The following HDAC4 variants were observed in gnomAD, a reference collection of about 807,000 sequenced individuals.
HDAC4 encodes the protein histone deacetylase A.
In HDAC4, 16 loss-of-function variants were observed where a neutral mutation model predicts 135.1. The observed-to-expected ratio is 0.12, with a 90% CI of 0.08 to 0.18. The LOEUF is 0.18. HDAC4 is among the 10% of genes least tolerant of loss of function. HDAC4 has a pLI of 1.00. For synonymous variants in HDAC4, 685 were observed against 653.4 expected (o/e 1.05, Z -0.74); for missense variants, 1,143 against 1,511.8 (o/e 0.76, Z 4.05).
At chr2:239,130,711 T>C (rs562345416) in intron 11 of HDAC4, among the ~76,000 whole-genome samples, 6 of 152,298 alleles carry the variant, frequency 3.9e-5, no homozygotes, top group Non-Finnish European at 7.4e-5. Context: ...CCGGGAAGCC[T>C]TCCCTAGGCC....
chr2:239,326,832 A>C (rs2053482163), intron 2 of HDAC4, among the ~76,000 whole-genome samples: 1 of 152,154 alleles, frequency 6.6e-6, no homozygotes, highest in Admixed American at 6.5e-5. Flanking sequence ...AGACCCCCAC[A>C]TCCACCGCAC....
chr2:239,389,525 G>C (rs1696057025), intron 1 of HDAC4, among the ~76,000 whole-genome samples: 1 of 152,122 alleles, frequency 6.6e-6, no homozygotes, highest in Non-Finnish European at 1.5e-5. Context: ...CTTGAAGTCA[G>C]TGGGACCAAG....
In HDAC4 at chr2:239,384,269, G is replaced by A. The variant is rs117593040; in HGVS notation, c.-220+16709C>T. 9.6e-4 allele frequency among the ~76,000 whole-genome samples: 146 copies of A among 152,078 alleles called. 1 individual carries two copies. In the East Asian group the frequency reaches 0.024, roughly 25 times the overall value. On this transcript the variant is annotated intron_variant, in intron 1 of 26. Coordinates refer to ENST00000543185, the MANE Select transcript of HDAC4 (RefSeq NM_001378414.1). ...CCATGATCTCCCTAAAGCCACATTC[G>A]AAATGACATATTTTAGTACCTCTCT... is the stretch of plus-strand genomic sequence containing the variant.
chr2:239,161,279 G>C (rs1317474619), intron 6 of HDAC4, among the ~76,000 whole-genome samples: 1 of 152,204 alleles, frequency 6.6e-6, no homozygotes, highest in African/African-American at 2.4e-5. Context: ...TGAAAGAGCA[G>C]AAGTGTTTCA....
At chr2:239,267,356 G>A (rs973142974) in intron 2 of HDAC4, among the ~76,000 whole-genome samples, 7 of 152,204 alleles carry the variant, frequency 4.6e-5, no homozygotes, top group South Asian at 2.1e-4. Context: ...CGAGGAAGCC[G>A]ATGGAGTCTG....
intron 24 of HDAC4, among the ~76,000 whole-genome samples, chr2:239,061,061 G>A (rs2032623162): frequency 6.6e-6 from 1 of 152,278 alleles, no homozygotes; most frequent in Non-Finnish European, 1.5e-5. Context: ...GACACACGAC[G>A]TGGACCCTGT....
At position 239,306,262 on chromosome 2, in the gene HDAC4, A is replaced by G. The variant is rs2052576036; in HGVS notation, c.22+46416T>C. Among the ~76,000 whole-genome samples, 1 of 152,168 alleles carries G rather than the reference A, an allele frequency of 6.6e-6. No individual in the cohort carries two copies. The highest frequency in any genetic ancestry group is 6.5e-5 in the Admixed American group (1 of 15,282). Reference sequence around the variant, plus strand: ...CTTTTCATACATTTAGAAGGCAAAAAAAGTTCATCTTTCTAGTGATTCCAG... The same window carrying G: ...CTTTTCATACATTTAGAAGGCAAAAGAAGTTCATCTTTCTAGTGATTCCAG... On this transcript the variant is annotated intron_variant, in intron 2 of 26. Coordinates refer to ENST00000543185, the MANE Select transcript of HDAC4 (RefSeq NM_001378414.1). The surrounding 1 kb of genome is among the most constrained non-coding windows in gnomAD (Gnocchi z 4.5).
rs183064382 is a variant in HDAC4, at chr2:239,289,343, G to C, written c.23-52679C>G. Among the ~76,000 whole-genome samples, 64 of 152,322 alleles carry C rather than the reference G, an allele frequency of 4.2e-4. 2 individuals are homozygous for C. Among genetic ancestry groups the C allele is most frequent in the Admixed American group, 3.2e-3 (49 of 15,308 alleles). On this transcript the variant is annotated intron_variant, in intron 2 of 26. Coordinates refer to ENST00000543185, the MANE Select transcript of HDAC4 (RefSeq NM_001378414.1). Reference sequence around the variant, plus strand: ...TTGTTTTTAAATGAAATACGAAAAAGCACTAACCACAAAAGAAAAGGTCTG... The same window carrying C: ...TTGTTTTTAAATGAAATACGAAAAACCACTAACCACAAAAGAAAAGGTCTG...
intron 2 of HDAC4, among the ~76,000 whole-genome samples, chr2:239,321,744 C>T (rs984948989): frequency 2.0e-5 from 3 of 152,082 alleles, no homozygotes; most frequent in African/African-American, 7.2e-5. Flanking sequence ...AGTCAAAGCC[C>T]TCCAAAGCCC....
intron 9 of HDAC4, among the ~76,000 whole-genome samples, chr2:239,137,755 T>G (rs888502154): frequency 1.3e-5 from 2 of 152,064 alleles, no homozygotes; most frequent in African/African-American, 4.8e-5. Context: ...CCCGTCCAAC[T>G]CTAGAGATAC....
At chr2:239,246,228 G>C (rs1315435292) in intron 2 of HDAC4, among the ~76,000 whole-genome samples, 1 of 152,218 alleles carries the variant, frequency 6.6e-6, no homozygotes, top group Non-Finnish European at 1.5e-5. Flanking sequence ...GCGGGCAGGA[G>C]TGAGCCACGG....
intron 3 of HDAC4, among the ~76,000 whole-genome samples, chr2:239,226,404 G>C (rs868652548): frequency 2.0e-5 from 3 of 152,062 alleles, no homozygotes; most frequent in Middle Eastern, 3.4e-3. Flanking sequence ...GGCACTGCTG[G>C]GACTGCCACA....
chr2:239,263,149 T>TCC (rs1486084423), intron 2 of HDAC4, among the ~76,000 whole-genome samples: 1 of 151,944 alleles, frequency 6.6e-6, no homozygotes, highest in African/African-American at 2.4e-5. Context: ...AACACTACCC[T>TCC]CCTTCATGTC....
intron 3 of HDAC4, among the ~76,000 whole-genome samples, chr2:239,206,173 C>CA (rs1327553145): frequency 6.6e-6 from 1 of 152,032 alleles, no homozygotes; most frequent in Non-Finnish European, 1.5e-5. Flanking sequence ...ACAAAAGCTA[C>CA]AAAAAATAGC....
intron 12 of HDAC4, among the ~76,000 whole-genome samples, chr2:239,118,706 G>A (rs2039364524): frequency 6.6e-6 from 1 of 152,120 alleles, no homozygotes; most frequent in African/African-American, 2.4e-5. Context: ...CACGCCGTAC[G>A]CTGTAAATAC....
intron 2 of HDAC4, among the ~76,000 whole-genome samples, chr2:239,276,026 G>GCT (rs2050340565): frequency 6.6e-6 from 1 of 152,158 alleles, no homozygotes; most frequent in Non-Finnish European, 1.5e-5. Flanking sequence ...CTGAGCCAGC[G>GCT]CAGGCCAGGG....
chr2:239,255,490 G>A (rs754411582), intron 2 of HDAC4, among the ~76,000 whole-genome samples: 8 of 152,120 alleles, frequency 5.3e-5, no homozygotes, highest in African/African-American at 1.2e-4. Flanking sequence ...TTGAGAGACC[G>A]TCATTTTTTC....
At chr2:239,083,911 C>T (rs1165481017) in intron 20 of HDAC4, among the ~76,000 whole-genome samples, 1 of 152,266 alleles carries the variant, frequency 6.6e-6, no homozygotes, top group Non-Finnish European at 1.5e-5. Context: ...GCCCTGGCCG[C>T]TGCCGTCACC....
intron 22 of HDAC4, among the ~76,000 whole-genome samples, chr2:239,071,913 C>T (rs975862556): frequency 1.3e-5 from 2 of 152,168 alleles, no homozygotes; most frequent in African/African-American, 4.8e-5. Context: ...GGGTCCTCTA[C>T]AATTAGGGCA....
Sources: gnomAD v4.1 joint callset for allele counts (sites outside exome capture counted in the v4.1 genomes callset) on GRCh38, gnomAD v4.1.1 for gene constraint, Gnocchi (gnomAD v3.1) non-coding constraint, MANE v1.5 for transcripts, NCBI Gene and HGNC (gene_info 2026-07-23, HGNC 2026-07-21) for gene names.